EML5: variants seen among roughly 807,000 people sequenced by gnomAD.
The protein encoded by EML5 is echinoderm microtubule-associated protein-like 5.
Under a neutral mutation model 250.0 loss-of-function variants are expected in EML5, and 120 were observed. The observed-to-expected ratio is 0.48, with a 90% CI of 0.41 to 0.56. The LOEUF is 0.56. EML5 is among the 20% of genes least tolerant of loss of function. EML5 has a pLI of 0.00. For missense variants in EML5, 2,006 were observed against 2,437.6 expected (o/e 0.82, Z 3.73); for synonymous variants, 771 against 806.5 (o/e 0.96, Z 0.75).
chr14:88,630,521 A>G (rs1884658167), intron 33 of EML5, among the ~76,000 whole-genome samples: 1 of 152,104 alleles, frequency 6.6e-6, no homozygotes, highest in African/African-American at 2.4e-5. Context: ...GATTCAGGGG[A>G]AACAAACTGC....
intron 41 of EML5, chr14:88,618,011 T>TAA (rs35255737): frequency 0.14 from 39,213 of 280,764 alleles, 7 homozygotes; most frequent in Middle Eastern, 0.2. Flanking sequence ...TTGATTTCCT[T>TAA]AAAAAAAAAA....
chr14:88,681,956 T>C lies in EML5; in HGVS notation c.3058A>G (p.Lys1020Glu). Residue 1020 changes from lysine (K) to glutamate (E), a missense_variant, in exon 21 of 44, where the codon AAA (lysine) becomes GAA (glutamate). By Grantham distance (56) the Lys-to-Glu change is moderately conservative. This residue lies in a region of EML5 where 1,375 missense variants were observed against 1,590.3 expected (regional missense o/e 0.86). Coordinates refer to ENST00000554922, the MANE Select transcript of EML5 (RefSeq NM_183387.3). ...LPICATVSDD[K>E]TLRIWDLSPS... ...GAGAGATCCCATATTCTTAAGGTTT[T>C]ATCATCGCTTACAGTAGCACAGATG... 2 of 1,613,738 alleles carry C rather than the reference T, an allele frequency of 1.2e-6. No individual in the cohort carries two copies. The highest frequency in any genetic ancestry group is 1.7e-6 in the Non-Finnish European group (2 of 1,179,800).
At chr14:88,768,003 T>C (rs2094342525) in intron 1 of EML5, among the ~76,000 whole-genome samples, 2 of 152,214 alleles carry the variant, frequency 1.3e-5, no homozygotes, top group African/African-American at 4.8e-5. Flanking sequence ...AAAACTTTCT[T>C]AGACTTTCCT....
At chr14:88,615,945 A>G (rs12885870) in intron 43 of EML5, 91 bp from the exon 44 acceptor site, 241,311 of 1,436,694 alleles carry the variant, frequency 0.17, 25,276 homozygotes, top group East Asian at 0.49. Context: ...TTCAGGTTAC[A>G]TGTGTAATAT....
In EML5 at chr14:88,626,999, C is replaced by T; in HGVS notation, c.4579G>A (p.Ala1527Thr). 1 of 1,613,834 alleles carries T rather than the reference C, an allele frequency of 6.2e-7. No homozygotes were observed. The change falls in exon 35 of 44, where the codon GCA becomes ACA. Residue 1527 changes from alanine (A) to threonine (T), a missense_variant. Ala to Thr is a moderately conservative substitution (Grantham distance 58). Coordinates refer to ENST00000554922, the MANE Select transcript of EML5 (RefSeq NM_183387.3). ...RAGHNQRIFVAEFRPDSDTQF... is the reference protein window; with the variant it reads ...RAGHNQRIFVTEFRPDSDTQF... ...GTATCTGAATCTGGTCGGAATTCTG[C>T]CACAAAAATACGTTGATTGTGACCA...
At chr14:88,633,988 T>A (rs985815977) in intron 33 of EML5, among the ~76,000 whole-genome samples, 1 of 152,124 alleles carries the variant, frequency 6.6e-6, no homozygotes, top group African/African-American at 2.4e-5. Context: ...TTAAAAAAAA[T>A]CCGCAAGTTT....
chr14:88,789,980 C>G (rs957760004), intron 1 of EML5, among the ~76,000 whole-genome samples: 1 of 152,200 alleles, frequency 6.6e-6, no homozygotes, highest in Admixed American at 6.5e-5. Flanking sequence ...TTGGTTTTCA[C>G]TATGCATCAC....
At chr14:88,761,085 A>G (rs1242559799) in intron 1 of EML5, among the ~76,000 whole-genome samples, 1 of 152,168 alleles carries the variant, frequency 6.6e-6, no homozygotes, top group Non-Finnish European at 1.5e-5. Context: ...GGAATTTTCT[A>G]TGTAGGCAAT....
At chr14:88,682,349 G>C (rs866582985) in intron 20 of EML5, among the ~76,000 whole-genome samples, 20 of 151,712 alleles carry the variant, frequency 1.3e-4, no homozygotes, top group Admixed American at 1.1e-3. Context: ...GTACTTTCCT[G>C]CATGAGAGAG....
At chr14:88,691,850 T>C (rs1307765928) in intron 17 of EML5, among the ~76,000 whole-genome samples, 1 of 152,222 alleles carries the variant, frequency 6.6e-6, no homozygotes, top group African/African-American at 2.4e-5. Context: ...GCCTTAACAT[T>C]CATCCTTTTA....
At position 88,681,827 on chromosome 14, in the gene EML5, A is replaced by G. The variant is rs2092719887; in HGVS notation, c.3124+63T>C. 14 of 1,491,382 alleles carry G rather than the reference A, an allele frequency of 9.4e-6. No homozygotes were observed. The Admixed American group carries it at 2.0e-4, about 21-fold the overall frequency. The allele number at this position is 1,491,382 out of a possible 1,614,324, so 92.4% of individuals were successfully genotyped here. A position where few individuals can be genotyped will look rare whatever the true frequency, so the allele number is the denominator to read the frequency against. ...AAAATGTGCCTAGTTTTGCTTTCTT[A>G]TATTTGTAAAGGTTAGAAAACTGTG... On this transcript the variant is annotated intron_variant, in intron 21 of 43. Transcript: ENST00000554922.
chr14:88,741,612 G>A (rs1415410622), intron 4 of EML5, among the ~76,000 whole-genome samples: 1 of 152,078 alleles, frequency 6.6e-6, no homozygotes, highest in African/African-American at 2.4e-5. Context: ...AGGCTGAGGT[G>A]GGAGGATGGT....
chr14:88,710,653 C>G (rs1339225410), intron 10 of EML5, among the ~76,000 whole-genome samples: 1 of 152,128 alleles, frequency 6.6e-6, no homozygotes, highest in African/African-American at 2.4e-5. Flanking sequence ...CGTATTCTGT[C>G]TTTCCCACTT....
Position 88,792,199 on chromosome 14 carries a change from C to G in EML5, c.197+108G>C. The G allele has an allele frequency of 6.0e-6, 8 of 1,339,312 alleles. No individual in the cohort carries two copies. Among genetic ancestry groups the G allele is most frequent in the Non-Finnish European group, 8.1e-6 (8 of 993,152 alleles). 83.0% of individuals were successfully genotyped at this position (1,339,312 alleles called of 1,614,324 possible). On this transcript the variant is annotated intron_variant, in intron 1 of 43. Transcript: ENST00000554922. This position sits in a 1 kb window ranked among gnomAD's most constrained non-coding sequence, Gnocchi z 6.9. Reference sequence around the variant, plus strand: ...CAGAGAGACAGCTGCGGATTCCCCTCGGGGTGATGCTCCGTGCAGGAGCGG... The same window carrying G: ...CAGAGAGACAGCTGCGGATTCCCCTGGGGGTGATGCTCCGTGCAGGAGCGG...
rs2093941997 is a variant in EML5, at chr14:88,742,740, A to G, written c.525+1283T>C. On this transcript the variant is annotated intron_variant, in intron 4 of 43. Coordinates refer to ENST00000554922, the MANE Select transcript of EML5 (RefSeq NM_183387.3). The stretch of plus-strand genomic sequence containing the variant: ...TATATCATGTGCCTTAAAGCCCAGC[A>G]TACAGCCTTTTTGGTATTAAATATT... 2.6e-5 allele frequency among the ~76,000 whole-genome samples: 4 copies of G among 152,158 alleles called. No homozygotes were observed. In the South Asian group the frequency reaches 8.3e-4, roughly 31 times the overall value.
intron 12 of EML5, 60 bp from the exon 13 acceptor site, chr14:88,705,038 A>G: frequency 9.2e-7 from 1 of 1,088,766 alleles, no homozygotes; most frequent in Non-Finnish European, 1.3e-6. Context: ...AGGTGTTCGT[A>G]TACTCCCAAT....
chr14:88,751,946 A>G (rs2094102852), intron 2 of EML5, among the ~76,000 whole-genome samples: 3 of 152,248 alleles, frequency 2.0e-5, no homozygotes, highest in Admixed American at 2.0e-4. Flanking sequence ...AGATAATAAT[A>G]GCATCTATTC....
At chr14:88,622,788 C>A (rs2089241829) in intron 36 of EML5, 70 bp from the exon 37 acceptor site, 2 of 1,071,592 alleles carry the variant, frequency 1.9e-6, no homozygotes, top group South Asian at 2.2e-5. Flanking sequence ...AAACAAATAC[C>A]AAGTTATAAG....
At chr14:88,649,041 C>A (rs987216927) in intron 28 of EML5, among the ~76,000 whole-genome samples, 2 of 151,748 alleles carry the variant, frequency 1.3e-5, no homozygotes, top group Non-Finnish European at 2.9e-5. Context: ...CGCCACCCCC[C>A]ACCCCCGAAA....
Sources: allele counts gnomAD v4.1 joint callset (sites outside exome capture counted in the v4.1 genomes callset), GRCh38; gene constraint gnomAD v4.1.1; regional missense constraint gnomAD v4.1.1; non-coding constraint Gnocchi (gnomAD v3.1); transcripts MANE v1.5; gene names NCBI Gene and HGNC (gene_info 2026-07-23, HGNC 2026-07-21).